SRPK2: variants seen among roughly 807,000 people sequenced by gnomAD.
The protein encoded by SRPK2 is SRSF protein kinase 2, also known as SFRS protein kinase 2.
SRPK2 carries 21 observed loss-of-function variants against 90.8 expected under a neutral mutation model. That is an observed-to-expected ratio of 0.23 (90% CI 0.16 to 0.33). The LOEUF is 0.33. Ranked by LOEUF, SRPK2 falls within the 10% of genes least tolerant of loss-of-function variation. The pLI is 1.00. For synonymous variants in SRPK2, 288 were observed against 311.1 expected (o/e 0.93, Z 0.78); for missense variants, 620 against 869.0 (o/e 0.71, Z 3.60).
intron 11 of SRPK2, among the ~76,000 whole-genome samples, chr7:105,138,327 A>G (rs1040156299): frequency 6.6e-6 from 1 of 152,218 alleles, no homozygotes; most frequent in Non-Finnish European, 1.5e-5. Flanking sequence ...AGCACTGCCC[A>G]TACAACTAAG....
chr7:105,127,958 C>G (rs909330681), intron 13 of SRPK2, among the ~76,000 whole-genome samples: 3 of 152,208 alleles, frequency 2.0e-5, no homozygotes, highest in Admixed American at 1.3e-4. Context: ...GGATCTGTGA[C>G]TGCCCTCCCC....
chr7:105,313,617 G>A (rs528017013), intron 2 of SRPK2, among the ~76,000 whole-genome samples: 157 of 152,076 alleles, frequency 1.0e-3, no homozygotes, highest in Non-Finnish European at 1.9e-3. Flanking sequence ...CAGGTGTGGC[G>A]TCGTGGACCT....
chr7:105,133,265 G>T (rs62486659), intron 11 of SRPK2, among the ~76,000 whole-genome samples, 161 bp from the exon 12 acceptor site: 5 of 152,172 alleles, frequency 3.3e-5, no homozygotes, highest in Non-Finnish European at 7.3e-5. Flanking sequence ...AAAATTGCTT[G>T]TTCTCCACCT....
chr7:105,131,404 G>A (rs762488490), intron 13 of SRPK2, among the ~76,000 whole-genome samples: 1 of 152,160 alleles, frequency 6.6e-6, no homozygotes, highest in Non-Finnish European at 1.5e-5. Flanking sequence ...ATTGGCCACC[G>A]GTTCTTTTAA....
chr7:105,392,511 T>G (rs1822205260), upstream of SRPK2, among the ~76,000 whole-genome samples: 1 of 152,218 alleles, frequency 6.6e-6, no homozygotes, highest in Non-Finnish European at 1.5e-5. Flanking sequence ...GAACAGTGAT[T>G]TTATAATCCT....
In SRPK2 at chr7:105,367,486, C is replaced by T. The variant is rs1433970875; in HGVS notation, c.71+21162G>A. 3.3e-5 allele frequency among the ~76,000 whole-genome samples: 5 copies of T among 152,166 alleles called. No homozygotes were observed. The East Asian group carries it at 9.7e-4, about 29-fold the overall frequency. On this transcript the variant is annotated intron_variant, in intron 2 of 15. Transcript: ENST00000393651. Reference sequence around the variant, plus strand: ...CCGTGTTGCCCAGGCTGGTCTCCAACTCCTTGGCTCAAGCAATCCACCCAC... The same window carrying T: ...CCGTGTTGCCCAGGCTGGTCTCCAATTCCTTGGCTCAAGCAATCCACCCAC...
At chr7:105,224,346 A>G (rs1798458204) in intron 2 of SRPK2, among the ~76,000 whole-genome samples, 1 of 152,200 alleles carries the variant, frequency 6.6e-6, no homozygotes, top group Admixed American at 6.5e-5. Flanking sequence ...GCAGTGGCTC[A>G]CACCTGTCAT....
At chr7:105,278,619 G>C (rs1452131875) in intron 2 of SRPK2, among the ~76,000 whole-genome samples, 1 of 151,952 alleles carries the variant, frequency 6.6e-6, no homozygotes, top group Non-Finnish European at 1.5e-5. Flanking sequence ...CTGGGAGGCA[G>C]AGGTTGTGGT....
At chr7:105,158,994 T>C (rs554620704) in intron 7 of SRPK2, among the ~76,000 whole-genome samples, 1 of 152,108 alleles carries the variant, frequency 6.6e-6, no homozygotes, top group African/African-American at 2.4e-5. Flanking sequence ...ATAAAAATGC[T>C]ACTATTTGAA....
At chr7:105,203,063 A>C (rs981113536) in intron 3 of SRPK2, among the ~76,000 whole-genome samples, 1 of 152,140 alleles carries the variant, frequency 6.6e-6, no homozygotes, top group African/African-American at 2.4e-5. Context: ...ATCTCAGCTC[A>C]CTGAAACCTC....
intron 3 of SRPK2, among the ~76,000 whole-genome samples, chr7:105,178,375 T>C (rs1043253909): frequency 3.9e-5 from 6 of 152,338 alleles, no homozygotes; most frequent in African/African-American, 1.4e-4. Flanking sequence ...AGAGAAGCCA[T>C]TGTTATTTAA....
intron 3 of SRPK2, among the ~76,000 whole-genome samples, chr7:105,181,278 T>C (rs1000952469): frequency 2.0e-5 from 3 of 152,164 alleles, no homozygotes; most frequent in Non-Finnish European, 4.4e-5. Context: ...GGAGTGTAAA[T>C]TAGTTCAGCC....
chr7:105,119,760 C>T (rs1800061992), intron 15 of SRPK2, among the ~76,000 whole-genome samples: 1 of 152,216 alleles, frequency 6.6e-6, no homozygotes, highest in African/African-American at 2.4e-5. Flanking sequence ...TCTAGGAATC[C>T]AGCCCAAGGA....
At chr7:105,267,120 G>A (rs1397797508) in intron 2 of SRPK2, among the ~76,000 whole-genome samples, 2 of 152,042 alleles carry the variant, frequency 1.3e-5, no homozygotes, top group Non-Finnish European at 2.9e-5. Flanking sequence ...GACCACATGC[G>A]TCCTCCCTTT....
At chr7:105,171,068 A>C (rs1032929308) in intron 3 of SRPK2, among the ~76,000 whole-genome samples, 1 of 143,140 alleles carries the variant, frequency 7.0e-6, no homozygotes, top group Non-Finnish European at 1.5e-5. Context: ...AAAAAAGAAA[A>C]GAAAGAAAGG....
At chr7:105,149,990 A>T (rs1270098924) in intron 7 of SRPK2, among the ~76,000 whole-genome samples, 1 of 152,040 alleles carries the variant, frequency 6.6e-6, no homozygotes, top group East Asian at 1.9e-4. Flanking sequence ...CAGTCCTCAT[A>T]TCCTCACAGA....
intron 2 of SRPK2, among the ~76,000 whole-genome samples, chr7:105,313,160 A>T (rs929919892): frequency 1.8e-4 from 27 of 151,102 alleles, no homozygotes; most frequent in Admixed American, 3.3e-4. Flanking sequence ...TTTTTTTTTT[A>T]AATTACCAGG....
At chr7:105,389,317 C>T (rs1240622188), upstream of SRPK2, 3 of 1,281,404 alleles carry the variant, frequency 2.3e-6, no homozygotes, top group African/African-American at 4.6e-5. Context: ...CGCACCACCT[C>T]TCTTCCCGCG....
chr7:105,121,563 T>TCA (rs900283812), intron 15 of SRPK2, among the ~76,000 whole-genome samples: 3 of 152,020 alleles, frequency 2.0e-5, no homozygotes, highest in Admixed American at 6.6e-5. Flanking sequence ...CAGTATCAAC[T>TCA]CACACACACA....
Sources: allele counts gnomAD v4.1 joint callset (sites outside exome capture counted in the v4.1 genomes callset), GRCh38; gene constraint gnomAD v4.1.1; transcripts MANE v1.5; gene names NCBI Gene and HGNC (gene_info 2026-07-23, HGNC 2026-07-21).